The following PCNX1 variants were observed in gnomAD, a reference collection of about 807,000 sequenced individuals.
PCNX1 encodes pecanex 1.
PCNX1 carries 78 observed loss-of-function variants against 242.2 expected under a neutral mutation model. That is an observed-to-expected ratio of 0.32 (90% CI 0.27 to 0.39). The LOEUF (loss-of-function observed/expected upper bound fraction) is 0.39. Among genes scored for constraint, PCNX1 ranks in the 10% least tolerant of loss-of-function variants. PCNX1 has a pLI of 1.00. For synonymous variants in PCNX1, 1,024 were observed against 1,032.9 expected (o/e 0.99, Z 0.17); for missense variants, 2,581 against 2,856.5 (o/e 0.90, Z 2.20).
intron 8 of PCNX1, among the ~76,000 whole-genome samples, chr14:70,996,435 C>T (rs531911321): frequency 4.6e-5 from 7 of 152,024 alleles, no homozygotes; most frequent in African/African-American, 9.7e-5. Context: ...ATCATGGCTC[C>T]GTACTAATGT....
chr14:71,065,886 C>G (rs776136515), intron 26 of PCNX1, among the ~76,000 whole-genome samples: 1 of 152,130 alleles, frequency 6.6e-6, no homozygotes, highest in Non-Finnish European at 1.5e-5. Flanking sequence ...TTCCCCATTG[C>G]TTGTTTTTGT....
chr14:71,019,305 CA>C, intron 12 of PCNX1, 143 bp downstream of exon 12: 1 of 590,684 alleles, frequency 1.7e-6, no homozygotes, highest in South Asian at 3.8e-5. Flanking sequence ...GTGTAGAGAG[CA>C]AAAGGGGGAT....
chr14:71,109,729 G>T, intron 35 of PCNX1, 66 bp from the exon 36 acceptor site: 1 of 1,577,192 alleles, frequency 6.3e-7, no homozygotes, highest in East Asian at 2.2e-5. Flanking sequence ...CCTAGGTAGG[G>T]GTAAGAGTTT....
intron 26 of PCNX1, among the ~76,000 whole-genome samples, chr14:71,070,710 T>C (rs1445664221): frequency 6.6e-6 from 1 of 152,190 alleles, no homozygotes; most frequent in Non-Finnish European, 1.5e-5. Context: ...TGTTATTCCA[T>C]TTATAGTGCA....
chr14:71,014,231 C>G (rs1354408342), intron 11 of PCNX1, among the ~76,000 whole-genome samples: 2 of 152,152 alleles, frequency 1.3e-5, no homozygotes, highest in African/African-American at 4.8e-5. Flanking sequence ...TCACACCCAC[C>G]TAACAAGTAA....
chr14:71,038,408 G>A (rs2060608712), intron 19 of PCNX1, among the ~76,000 whole-genome samples: 1 of 147,122 alleles, frequency 6.8e-6, no homozygotes, highest in Non-Finnish European at 1.5e-5. Context: ...TCAAAAAGTG[G>A]GCGAAGGACA....
intron 35 of PCNX1, 99 bp from the exon 36 acceptor site, chr14:71,109,696 C>T (rs978046592): frequency 1.9e-6 from 3 of 1,566,400 alleles, no homozygotes; most frequent in East Asian, 2.2e-5. Flanking sequence ...GTATAATTTT[C>T]AGACAAAATT....
At chr14:70,993,847 T>C (rs1595169737) in intron 7 of PCNX1, among the ~76,000 whole-genome samples, 1 of 152,322 alleles carries the variant, frequency 6.6e-6, no homozygotes, top group African/African-American at 2.4e-5. Context: ...TGGTAAGGTT[T>C]GTGGATAAGT....
At chr14:71,013,477 T>A (rs921970083) in intron 11 of PCNX1, among the ~76,000 whole-genome samples, 62 of 152,090 alleles carry the variant, frequency 4.1e-4, no homozygotes, top group Admixed American at 1.6e-3. Flanking sequence ...AGCCAAAGAA[T>A]ATGAGTTTTG....
At chr14:70,994,396 G>GATATATGTGTAT (rs1371763584) in intron 7 of PCNX1, among the ~76,000 whole-genome samples, 3 of 96,962 alleles carry the variant, frequency 3.1e-5, no homozygotes, top group African/African-American at 1.2e-4. Context: ...ACAGGCTTAA[G>GATATATGTGTAT]ATATATATAT....
intron 11 of PCNX1, among the ~76,000 whole-genome samples, chr14:71,014,561 G>A (rs1182128542): frequency 6.6e-6 from 1 of 152,202 alleles, no homozygotes; most frequent in Non-Finnish European, 1.5e-5. Flanking sequence ...AACTTAGAGA[G>A]TTGAAAACTA....
In PCNX1 at chr14:70,978,061, G is replaced by A; in HGVS notation, c.1724G>A (p.Ser575Asn). 1.9e-6 allele frequency: 3 copies of A among 1,614,112 alleles called. No individual in the cohort carries two copies. Among genetic ancestry groups the A allele is most frequent in the Non-Finnish European group, 2.5e-6 (3 of 1,180,038 alleles). ...AAACGGGCTAGCAGTTTTGATTCAA[G>A]CCGGCATAGGGACTATGTTTGCTTT... The part of the protein sequence containing the change: ...GKKRASSFDS[S>N]RHRDYVCFRG... Residue 575 changes from serine to asparagine, a missense_variant, in exon 6 of 36, where the codon AGC becomes AAC. Around this residue, in one of 9 missense-constraint regions of PCNX1, gnomAD observed 1,204 missense variants for 1,216.7 expected, o/e 0.99. Transcript: ENST00000304743.
intron 1 of PCNX1, among the ~76,000 whole-genome samples, chr14:70,922,237 C>T (rs2056407494): frequency 6.6e-6 from 1 of 151,914 alleles, no homozygotes; most frequent in African/African-American, 2.4e-5. Context: ...AAGTTTTTGT[C>T]ATGAAAATAA....
Position 71,033,371 on chromosome 14 carries a change from T to C in PCNX1, c.3559-58T>C, listed in dbSNP as rs2140946146. 6 of 852,460 alleles carry C rather than the reference T, an allele frequency of 7.0e-6. No individual in the cohort carries two copies. In the Middle Eastern group the frequency reaches 6.8e-4, roughly 97 times the overall value. 52.8% of individuals were successfully genotyped at this position (852,460 alleles called of 1,614,324 possible). A position where few individuals can be genotyped will look rare whatever the true frequency, so the allele number is the denominator to read the frequency against. The stretch of plus-strand genomic sequence containing the variant: ...TTTCCAAAATACGTACATAAAAGGA[T>C]TATGTGATATATTACAAATTAGAAG... On this transcript the variant is annotated intron_variant, in intron 16 of 35. Coordinates refer to ENST00000304743, the MANE Select transcript of PCNX1 (RefSeq NM_014982.3).
At chr14:71,103,013 T>A (rs1271528113) in intron 31 of PCNX1, among the ~76,000 whole-genome samples, 1 of 152,238 alleles carries the variant, frequency 6.6e-6, no homozygotes, top group African/African-American at 2.4e-5. Context: ...AGTTATTTTT[T>A]AAATTCACAT....
At chr14:70,952,650 T>C in intron 2 of PCNX1, among the ~76,000 whole-genome samples, 1 of 152,230 alleles carries the variant, frequency 6.6e-6, no homozygotes, top group African/African-American at 2.4e-5. Flanking sequence ...TAGAGTTTAT[T>C]CATATTGACC....
intron 1 of PCNX1, among the ~76,000 whole-genome samples, chr14:70,946,232 G>A (rs17108753): frequency 0.097 from 14,816 of 152,240 alleles, 823 homozygotes; most frequent in Admixed American, 0.17. Flanking sequence ...AAACCCACCT[G>A]GATTTTGCAT....
chr14:70,964,560 A>G (rs909658741), intron 3 of PCNX1, among the ~76,000 whole-genome samples: 4 of 152,170 alleles, frequency 2.6e-5, no homozygotes, highest in Non-Finnish European at 4.4e-5. Flanking sequence ...TGACAGACGT[A>G]GGTAGTATCA....
At chr14:71,009,517 T>G (rs1179742906) in intron 8 of PCNX1, 117 bp from the exon 9 acceptor site, 4 of 498,666 alleles carry the variant, frequency 8.0e-6, no homozygotes, top group African/African-American at 5.9e-5. Context: ...AAAAAAATTT[T>G]TTTTAAAGGT....
Sources: gnomAD v4.1 joint callset for allele counts (sites outside exome capture counted in the v4.1 genomes callset) on GRCh38, gnomAD v4.1.1 for gene constraint, gnomAD v4.1.1 regional missense constraint, MANE v1.5 for transcripts, NCBI Gene and HGNC (gene_info 2026-07-23, HGNC 2026-07-21) for gene names.